The following CSGALNACT1 variants were observed in gnomAD, a reference collection of about 807,000 sequenced individuals.
CSGALNACT1 encodes the protein beta4GalNAcT-1.
CSGALNACT1 carries 52 observed loss-of-function variants against 51.0 expected under a neutral mutation model. The ratio of observed to expected loss-of-function variants is 1.02; its 90% CI spans 0.82 to 1.29. The LOEUF (loss-of-function observed/expected upper bound fraction) is 1.29, where lower values mean the gene tolerates loss of function less well. Ranked by LOEUF, CSGALNACT1 falls within the 50% of genes most tolerant of loss-of-function variation. CSGALNACT1 has a pLI of 0.00. For missense variants in CSGALNACT1, 935 were observed against 679.2 expected (o/e 1.38, Z -4.19); for synonymous variants, 341 against 254.4 (o/e 1.34, Z -3.24).
At position 19,589,539 on chromosome 8, in the gene CSGALNACT1, C is replaced by G. The variant is rs1257566568; in HGVS notation, c.-297+1621G>C. On this transcript the variant is annotated intron_variant, in intron 3 of 9. Transcript: ENST00000454498. ...TGGAGTTTAATCACGTTGGGTTGGC[C>G]AAGCTGGTCTTGAACTCCCGACCTC... Among the ~76,000 whole-genome samples, 5 of 152,054 alleles carry G rather than the reference C, an allele frequency of 3.3e-5. No homozygotes were observed. The South Asian group carries it at 8.3e-4, about 25-fold the overall frequency.
chr8:19,651,349 C>G (rs1216947566), intron 1 of CSGALNACT1, among the ~76,000 whole-genome samples: 1 of 152,064 alleles, frequency 6.6e-6, no homozygotes, highest in Non-Finnish European at 1.5e-5. Flanking sequence ...ATTCTGTACA[C>G]AGATTATTTC....
intron 4 of CSGALNACT1, among the ~76,000 whole-genome samples, chr8:19,501,756 T>C (rs1321840850): frequency 1.3e-5 from 2 of 152,238 alleles, no homozygotes; most frequent in Non-Finnish European, 2.9e-5. Context: ...AGCCAAAATA[T>C]GTGCCACTTA....
exon 4 of CSGALNACT1, chr8:19,505,251 G>A (rs2077087519): frequency 1.9e-6 from 3 of 1,614,146 alleles, no homozygotes; most frequent in Middle Eastern, 3.3e-4. Flanking sequence ...GCTGTTCTCT[G>A]CAGGACTGTT....
intron 1 of CSGALNACT1, among the ~76,000 whole-genome samples, chr8:19,641,230 C>G (rs2056710102): frequency 1.3e-5 from 2 of 149,146 alleles, no homozygotes; most frequent in Non-Finnish European, 3.0e-5. Flanking sequence ...CCAGGTACCA[C>G]AACGCCAGCC....
At chr8:19,601,469 T>C (rs1300743712) in intron 2 of CSGALNACT1, among the ~76,000 whole-genome samples, 2 of 152,252 alleles carry the variant, frequency 1.3e-5, no homozygotes, top group African/African-American at 4.8e-5. Flanking sequence ...GATGTAGCTC[T>C]TCCAGCTCTA....
chr8:19,649,466 G>A (rs1022209754), intron 1 of CSGALNACT1, among the ~76,000 whole-genome samples: 2 of 152,078 alleles, frequency 1.3e-5, no homozygotes, highest in Non-Finnish European at 2.9e-5. Flanking sequence ...TAATTAGGAA[G>A]AAGGACAACA....
chr8:19,621,690 A>T (rs2053845392), intron 1 of CSGALNACT1, among the ~76,000 whole-genome samples: 1 of 152,072 alleles, frequency 6.6e-6, no homozygotes, highest in African/African-American at 2.4e-5. Flanking sequence ...GTGAGACAGG[A>T]GGATCTCCTA....
chr8:19,622,112 C>T (rs779731891), intron 1 of CSGALNACT1, among the ~76,000 whole-genome samples: 33 of 152,162 alleles, frequency 2.2e-4, no homozygotes, highest in South Asian at 2.1e-4. Context: ...CAGTGGAACA[C>T]GGTTATGTAA....
exon 4 of CSGALNACT1, chr8:19,505,559 C>A: frequency 3.1e-6 from 5 of 1,613,932 alleles, no homozygotes; most frequent in Non-Finnish European, 4.2e-6. Flanking sequence ...CATTCCTGAG[C>A]TGCTCACTCC....
intron 3 of CSGALNACT1, among the ~76,000 whole-genome samples, chr8:19,578,832 C>T (rs928299905): frequency 3.3e-5 from 5 of 152,188 alleles, no homozygotes; most frequent in African/African-American, 9.7e-5. Flanking sequence ...CAAATCCCAA[C>T]ATTTTTGAGT....
At chr8:19,452,208 G>T (rs1281230122) in intron 5 of CSGALNACT1, among the ~76,000 whole-genome samples, 3 of 152,208 alleles carry the variant, frequency 2.0e-5, no homozygotes, top group Non-Finnish European at 4.4e-5. Context: ...GAAGCTCGTT[G>T]GCGAGAAAAC....
intron 1 of CSGALNACT1, among the ~76,000 whole-genome samples, chr8:19,633,744 G>A (rs368373893): frequency 4.6e-5 from 7 of 152,224 alleles, no homozygotes; most frequent in African/African-American, 1.7e-4. Flanking sequence ...AATTTCAGTT[G>A]TTTTAAACCA....
intron 1 of CSGALNACT1, among the ~76,000 whole-genome samples, chr8:19,671,800 A>G (rs2059813736): frequency 6.6e-6 from 1 of 152,180 alleles, no homozygotes; most frequent in Admixed American, 6.5e-5. Context: ...TAGATTTACC[A>G]AATTGAGATC....
At chr8:19,620,925 CA>C (rs1230064519) in intron 1 of CSGALNACT1, among the ~76,000 whole-genome samples, 30 of 152,130 alleles carry the variant, frequency 2.0e-4, no homozygotes, top group Admixed American at 1.8e-3. Context: ...GATACTCTCA[CA>C]CCCCAAATCT....
At chr8:19,604,554 T>C (rs1242127518), upstream of CSGALNACT1, among the ~76,000 whole-genome samples, 1 of 152,116 alleles carries the variant, frequency 6.6e-6, no homozygotes, top group Non-Finnish European at 1.5e-5. Context: ...CTTTGCTCTG[T>C]TGACTTTGCA....
intron 1 of CSGALNACT1, among the ~76,000 whole-genome samples, chr8:19,611,440 A>G (rs544859478): frequency 6.6e-6 from 1 of 152,306 alleles, no homozygotes; most frequent in African/African-American, 2.4e-5. Flanking sequence ...CTTGCTGTAA[A>G]CCACGCCCCA....
intron 1 of CSGALNACT1, among the ~76,000 whole-genome samples, chr8:19,658,449 A>G (rs1377968052): frequency 6.6e-6 from 1 of 152,216 alleles, no homozygotes; most frequent in Non-Finnish European, 1.5e-5. Context: ...AAACCAAACA[A>G]GAGGCCGGGC....
chr8:19,634,645 G>C (rs535796263), intron 1 of CSGALNACT1, among the ~76,000 whole-genome samples: 35 of 152,190 alleles, frequency 2.3e-4, no homozygotes, highest in Admixed American at 2.3e-3. Flanking sequence ...CTGGGCAACA[G>C]AGTGAGACCT....
At chr8:19,532,346 G>A (rs2082937781) in intron 3 of CSGALNACT1, among the ~76,000 whole-genome samples, 1 of 152,136 alleles carries the variant, frequency 6.6e-6, no homozygotes, top group South Asian at 2.1e-4. Flanking sequence ...AGGGCAGTGA[G>A]GAACAATTAG....
Sources: gnomAD v4.1 joint callset for allele counts (sites outside exome capture counted in the v4.1 genomes callset) on GRCh38, gnomAD v4.1.1 for gene constraint, MANE v1.5 for transcripts, NCBI Gene and HGNC (gene_info 2026-07-23, HGNC 2026-07-21) for gene names.